Variants in NPFFR1 observed in about 807,000 individuals in gnomAD.
NPFFR1 encodes the protein G-protein coupled receptor 147.
In NPFFR1, 17 loss-of-function variants were observed where a neutral mutation model predicts 12.7. The ratio of observed to expected loss-of-function variants is 1.34; its 90% CI spans 0.92 to 2.01. The LOEUF (loss-of-function observed/expected upper bound fraction) is 2.01, where lower values mean the gene tolerates loss of function less well. Ranked by LOEUF, NPFFR1 falls within the 30% of genes most tolerant of loss-of-function variation. The pLI is 0.00. For synonymous variants in NPFFR1, 296 were observed against 264.5 expected, an observed-to-expected ratio of 1.12 and a Z score of -1.16; for missense variants, 604 against 606.5, an observed-to-expected ratio of 1.00 and a Z score of 0.04.
At chr10:70,257,142 T>C (rs1564593347) in intron 3 of NPFFR1, among the ~76,000 whole-genome samples, 1 of 152,186 alleles carries the variant, frequency 6.6e-6, no homozygotes. Flanking sequence ...TTGCCTATTC[T>C]TCCAGCTACA....
chr10:70,265,248 A>C (rs548298770), intron 2 of NPFFR1, among the ~76,000 whole-genome samples: 1 of 152,334 alleles, frequency 6.6e-6, no homozygotes, highest in East Asian at 1.9e-4. Context: ...CCTGAGGACC[A>C]GTGAGCTGCT....
At chr10:70,263,284 C>A (rs1840653389) in intron 2 of NPFFR1, among the ~76,000 whole-genome samples, 1 of 152,172 alleles carries the variant, frequency 6.6e-6, no homozygotes, top group South Asian at 2.1e-4. Context: ...GTAAAACATG[C>A]ACACATTCAC....
At chr10:70,259,835 G>A (rs936375412) in intron 3 of NPFFR1, among the ~76,000 whole-genome samples, 3 of 152,206 alleles carry the variant, frequency 2.0e-5, no homozygotes, top group Non-Finnish European at 2.9e-5. Flanking sequence ...CCATCCTGTA[G>A]GGTAGCTACC....
In NPFFR1 at chr10:70,283,397, C is replaced by A. The variant is rs564316938; in HGVS notation, c.7+273G>T. On this transcript the variant is annotated intron_variant, in intron 1 of 3. Transcript: ENST00000277942. The stretch of plus-strand genomic sequence containing the variant: ...ACAGGCACAACATGAATACAGAGCA[C>A]CCCCAGGTCTTTCTCTCCATCTGTC... Among the ~76,000 whole-genome samples the A allele has an allele frequency of 8.0e-4, 121 of 151,750 alleles. No individual in the cohort carries two copies. The South Asian group carries it at 9.8e-3, about 12-fold the overall frequency.
rs1840685493 is a variant in NPFFR1, at chr10:70,266,067, C to T, written c.322+10G>A. ...AGGGGACACTCCTGCTGCCAACTGC[C>T]CGCACTCACCAGTGATGAGGTTGTC... On this transcript the variant is annotated intron_variant, in intron 2 of 3. Transcript: ENST00000277942. 1.9e-6 allele frequency: 3 copies of T among 1,611,446 alleles called. No individual in the cohort carries two copies. The highest frequency in any genetic ancestry group is 2.5e-6 in the Non-Finnish European group (3 of 1,178,400).
At chr10:70,282,611 A>G (rs1036746434) in intron 1 of NPFFR1, among the ~76,000 whole-genome samples, 1 of 152,192 alleles carries the variant, frequency 6.6e-6, no homozygotes, top group African/African-American at 2.4e-5. Flanking sequence ...CTCTTGCCAC[A>G]GCTGCCTCAT....
chr10:70,283,750 G>T lies in NPFFR1; in HGVS notation c.-74C>A. ...GGGCCCCTTCGGGCCAGCGGGCAGA[G>T]GGACGGTCTCCGGGCACTTGGTTGC... On this transcript the variant is annotated 5_prime_UTR_variant, in exon 1 of 4. Coordinates refer to ENST00000277942, the MANE Select transcript of NPFFR1 (RefSeq NM_022146.5). 6.7e-7 allele frequency: 1 copy of T among 1,499,828 alleles called. No homozygotes were observed. The highest frequency in any genetic ancestry group is 9.0e-7 in the Non-Finnish European group (1 of 1,115,998). 92.9% of individuals were successfully genotyped at this position (1,499,828 alleles called of 1,614,324 possible).
At position 70,253,078 on chromosome 10, in the gene NPFFR1, G is replaced by C. The variant is rs968300478; in HGVS notation, c.*1879C>G. ...CCATATGACACATGACACTGATACA[G>C]TACCAGAAATGCATGGCACCAGCTA... is the stretch of plus-strand genomic sequence containing the variant. On this transcript the variant is annotated 3_prime_UTR_variant, in exon 4 of 4. Transcript: ENST00000277942. 5.3e-5 allele frequency: 8 copies of C among 152,146 alleles called. No individual in the cohort carries two copies. The highest frequency in any genetic ancestry group is 1.7e-4 in the African/African-American group (7 of 41,406). 9.4% of individuals were successfully genotyped at this position (152,146 alleles called of 1,614,324 possible). A position where few individuals can be genotyped will look rare whatever the true frequency, so the allele number is the denominator to read the frequency against.
In NPFFR1 at chr10:70,253,028, C is replaced by T. The variant is rs1386413417; in HGVS notation, c.*1929G>A. 2 of 152,146 alleles carry T rather than the reference C, an allele frequency of 1.3e-5. No individual in the cohort carries two copies. Among genetic ancestry groups the T allele is most frequent in the African/African-American group, 4.8e-5 (2 of 41,406 alleles). 9.4% of individuals were successfully genotyped at this position (152,146 alleles called of 1,614,324 possible). ...TCAGACTTCTTCACAACAAATAGCCCAGAACCAGCTGGGAACTCTCTGGCC... is the reference window on the plus strand; with the variant it reads ...TCAGACTTCTTCACAACAAATAGCCTAGAACCAGCTGGGAACTCTCTGGCC... On this transcript the variant is annotated 3_prime_UTR_variant, in exon 4 of 4. Coordinates refer to ENST00000277942, the MANE Select transcript of NPFFR1 (RefSeq NM_022146.5).
At chr10:70,268,556 T>C (rs936377772) in intron 1 of NPFFR1, among the ~76,000 whole-genome samples, 3 of 152,206 alleles carry the variant, frequency 2.0e-5, no homozygotes, top group Non-Finnish European at 4.4e-5. Context: ...GCTGTAGTTA[T>C]CTGCTGGCTC....
chr10:70,277,989 C>G, intron 1 of NPFFR1: 1 of 519,752 alleles, frequency 1.9e-6, no homozygotes, highest in South Asian at 1.4e-5. Flanking sequence ...ATCCAGCCAC[C>G]CAATAATTAT....
chr10:70,275,136 C>T (rs563819783), intron 1 of NPFFR1, among the ~76,000 whole-genome samples: 1 of 152,330 alleles, frequency 6.6e-6, no homozygotes, highest in South Asian at 2.1e-4. Flanking sequence ...AATTTGAGGG[C>T]TGAGTTGCTA....
chr10:70,266,342 C>T lies in NPFFR1; in HGVS notation c.57G>A (p.Gly19=). The T allele has an allele frequency of 6.2e-7, 1 of 1,613,608 alleles. No homozygotes were observed. The highest frequency in any genetic ancestry group is 8.5e-7 in the Non-Finnish European group (1 of 1,179,778). Residue 19 remains glycine (G), a synonymous_variant, in exon 2 of 4, where the codon GGG becomes GGA. Transcript: ENST00000277942. ...PNSSWPLSQN[G]TNTEATPATN... The stretch of plus-strand genomic sequence containing the variant: ...TAGCCGGGGTGGCCTCAGTGTTAGT[C>T]CCATTCTGACTTAGGGGCCAACTGC...
chr10:70,279,670 A>C (rs1216078039), intron 1 of NPFFR1, among the ~76,000 whole-genome samples: 5 of 152,152 alleles, frequency 3.3e-5, no homozygotes, highest in African/African-American at 1.2e-4. Flanking sequence ...CATGTTGGCC[A>C]GGCTGGTCTC....
At chr10:70,266,797 G>C (rs879327908) in intron 1 of NPFFR1, among the ~76,000 whole-genome samples, 35 of 152,234 alleles carry the variant, frequency 2.3e-4, no homozygotes, top group Non-Finnish European at 4.3e-4. Context: ...GGCAGGAGCA[G>C]AGAGAGAGGT....
rs1415411857 is a variant in NPFFR1, at chr10:70,255,517, G to A, written c.733C>T (p.Gln245Ter). ...CCCCCGGGGGCCGGGCCCGGGGCCT[G>A]GCAGAGCTTGCGCGCGATGCGGGCG... ...MYARIARKLCQAPGPAPGGEE... is the reference protein window; with the variant it reads ...MYARIARKLC Residue 245 changes from glutamine to a stop codon, truncating the protein, a stop_gained, in exon 4 of 4, where the codon CAG becomes TAG. Transcript: ENST00000277942. LOFTEE classifies it low-confidence loss of function (END_TRUNC). This position sits in a 1 kb window ranked among gnomAD's most constrained non-coding sequence, Gnocchi z 4.2. 1.3e-6 allele frequency: 2 copies of A among 1,548,492 alleles called. No individual in the cohort carries two copies. The highest frequency in any genetic ancestry group is 1.2e-5 in the South Asian group (1 of 83,964).
chr10:70,254,532 C>T lies in NPFFR1; in HGVS notation c.*425G>A, dbSNP rs925126025. 1.8e-5 allele frequency: 3 copies of T among 165,594 alleles called. No individual in the cohort carries two copies. Among genetic ancestry groups the T allele is most frequent in the African/African-American group, 7.1e-5 (3 of 42,048 alleles). 10.3% of individuals were successfully genotyped at this position (165,594 alleles called of 1,614,324 possible). On this transcript the variant is annotated 3_prime_UTR_variant, in exon 4 of 4. Transcript: ENST00000277942. ...GACTTACTCAGTTCACAGTGTTCTA[C>T]CTTACCGGGCCCTCTTGGAGCCAGC...
chr10:70,276,228 C>T (rs1210264911), intron 1 of NPFFR1, among the ~76,000 whole-genome samples: 1 of 152,188 alleles, frequency 6.6e-6, no homozygotes, highest in Admixed American at 6.5e-5. Flanking sequence ...AAAGGCAGAA[C>T]CGGGGTCACT....
chr10:70,281,611 T>C (rs1003021499), intron 1 of NPFFR1, among the ~76,000 whole-genome samples: 2 of 152,200 alleles, frequency 1.3e-5, no homozygotes, highest in Admixed American at 6.5e-5. Flanking sequence ...AATAAACCTA[T>C]GTAATTTTGC....
Sources: gnomAD v4.1 joint callset for allele counts (sites outside exome capture counted in the v4.1 genomes callset) on GRCh38, gnomAD v4.1.1 for gene constraint, Gnocchi (gnomAD v3.1) non-coding constraint, MANE v1.5 for transcripts, NCBI Gene and HGNC (gene_info 2026-07-23, HGNC 2026-07-21) for gene names.